Variants in ZBTB20 observed in about 807,000 individuals in gnomAD.
ZBTB20 encodes the protein zinc finger and BTB domain containing 20.
In ZBTB20, 9 loss-of-function variants were observed where a neutral mutation model predicts 56.9. That is an observed-to-expected ratio of 0.16 (90% CI 0.10 to 0.28). The LOEUF (loss-of-function observed/expected upper bound fraction) is 0.28, where lower values mean the gene tolerates loss of function less well. Among genes scored for constraint, ZBTB20 ranks in the 10% least tolerant of loss-of-function variants. The pLI, the probability that ZBTB20 is intolerant of heterozygous loss-of-function variation, is 1.00. For synonymous variants in ZBTB20, 417 were observed against 420.7 expected (o/e 0.99, Z 0.11); for missense variants, 655 against 1,003.0 (o/e 0.65, Z 4.69).
intron 2 of ZBTB20, among the ~76,000 whole-genome samples, chr3:115,037,282 G>C (rs550542488): frequency 9.9e-5 from 15 of 151,974 alleles, no homozygotes; most frequent in Non-Finnish European, 1.9e-4. Context: ...AAATTTTTGG[G>C]GGGGGCGGAG....
chr3:114,694,278 G>A (rs910625484), intron 5 of ZBTB20, among the ~76,000 whole-genome samples: 1 of 152,000 alleles, frequency 6.6e-6, no homozygotes, highest in African/African-American at 2.4e-5. Flanking sequence ...TTCTACTGTG[G>A]AGCAACAAAG....
chr3:114,991,112 C>A (rs1312593676), intron 2 of ZBTB20, among the ~76,000 whole-genome samples: 2 of 152,118 alleles, frequency 1.3e-5, no homozygotes, highest in East Asian at 3.8e-4. Context: ...TCCTTCAGTT[C>A]TGCTCTGATC....
chr3:114,919,313 G>A (rs1039110466), intron 3 of ZBTB20, among the ~76,000 whole-genome samples: 11 of 151,802 alleles, frequency 7.2e-5, no homozygotes, highest in Admixed American at 1.3e-4. Flanking sequence ...GTGACCACAG[G>A]AAAAAACCTC....
intron 1 of ZBTB20, among the ~76,000 whole-genome samples, chr3:115,128,090 A>G (rs17755402): frequency 0.037 from 5,628 of 152,318 alleles, 162 homozygotes; most frequent in Non-Finnish European, 0.058. Context: ...ACTGGCAATG[A>G]CATATGCATC....
chr3:114,738,973 T>C (rs1001515867), intron 5 of ZBTB20, among the ~76,000 whole-genome samples: 1 of 152,178 alleles, frequency 6.6e-6, no homozygotes, highest in Non-Finnish European at 1.5e-5. Flanking sequence ...ATTCACAGTT[T>C]GATCTCAAGG....
chr3:114,930,041 T>C (rs777878240), intron 3 of ZBTB20, among the ~76,000 whole-genome samples: 21 of 152,162 alleles, frequency 1.4e-4, no homozygotes, highest in Non-Finnish European at 2.4e-4. Flanking sequence ...CTTGCCAAAA[T>C]CCATATGAAT....
chr3:114,921,503 G>A (rs146402293), intron 3 of ZBTB20, among the ~76,000 whole-genome samples: 76 of 152,108 alleles, frequency 5.0e-4, no homozygotes, highest in Non-Finnish European at 8.2e-4. Context: ...GTTCCAAAAT[G>A]TTTACAAGAA....
chr3:114,534,371 A>G (rs552961717), intron 6 of ZBTB20, among the ~76,000 whole-genome samples: 3 of 152,338 alleles, frequency 2.0e-5, no homozygotes, highest in East Asian at 1.9e-4. Flanking sequence ...TTAAACCAAT[A>G]AAGATCAAAA....
At chr3:114,874,400 T>C (rs904958709) in intron 4 of ZBTB20, among the ~76,000 whole-genome samples, 2 of 152,190 alleles carry the variant, frequency 1.3e-5, no homozygotes, top group Non-Finnish European at 2.9e-5. Flanking sequence ...AGCACCATCA[T>C]GATTGTTCTG....
At chr3:114,684,366 A>G (rs2062188317) in intron 6 of ZBTB20, among the ~76,000 whole-genome samples, 1 of 152,168 alleles carries the variant, frequency 6.6e-6, no homozygotes, top group Non-Finnish European at 1.5e-5. Flanking sequence ...AATTCATAGC[A>G]TTAAGATTTG....
chr3:115,147,035 C>G (rs1229627262), intron 1 of ZBTB20, among the ~76,000 whole-genome samples, 184 bp downstream of exon 1: 2 of 149,638 alleles, frequency 1.3e-5, no homozygotes, highest in Non-Finnish European at 3.0e-5. Context: ...CGCGCTCATC[C>G]AGCTCAGGGC....
chr3:114,442,532 C>T (rs2090999467), intron 7 of ZBTB20, among the ~76,000 whole-genome samples: 1 of 152,150 alleles, frequency 6.6e-6, no homozygotes, highest in Non-Finnish European at 1.5e-5. Context: ...GATGCCAACA[C>T]CATTACTCTG....
At position 114,542,451 on chromosome 3, in the gene ZBTB20, G is replaced by A. The variant is rs903998136; in HGVS notation, c.-294-42060C>T. Among the ~76,000 whole-genome samples, 6 of 152,100 alleles carry A rather than the reference G, an allele frequency of 3.9e-5. No individual in the cohort carries two copies. The South Asian group carries it at 1.0e-3, about 26-fold the overall frequency. ...AAAAATGGCAAAGCCTGTTGTGGAC[G>A]GTGCAGAGCCCAGGAAGGTAACCAA... On this transcript the variant is annotated intron_variant, in intron 6 of 11. Transcript: ENST00000675478.
At chr3:114,558,142 ATGGTGG>A (rs894429656) in intron 6 of ZBTB20, among the ~76,000 whole-genome samples, 1 of 152,002 alleles carries the variant, frequency 6.6e-6, no homozygotes, top group African/African-American at 2.4e-5. Flanking sequence ...TGAGGGGTGG[ATGGTGG>A]TAAAGAATCA....
chr3:114,819,501 A>G (rs1439371478), intron 4 of ZBTB20, among the ~76,000 whole-genome samples: 1 of 151,962 alleles, frequency 6.6e-6, no homozygotes, highest in Non-Finnish European at 1.5e-5. Context: ...AAAAGCAGAT[A>G]GTCCAGAAAT....
At chr3:114,954,214 C>A (rs534546567) in intron 3 of ZBTB20, among the ~76,000 whole-genome samples, 9 of 152,142 alleles carry the variant, frequency 5.9e-5, no homozygotes, top group African/African-American at 1.9e-4. Flanking sequence ...TGTTTTTAAA[C>A]CCCATTTATC....
At chr3:114,596,164 C>CAT (rs1356702215) in intron 6 of ZBTB20, among the ~76,000 whole-genome samples, 7 of 152,014 alleles carry the variant, frequency 4.6e-5, no homozygotes, top group Non-Finnish European at 8.8e-5. Context: ...GCCTTAGAGC[C>CAT]ATATATATAT....
chr3:114,534,930 C>A (rs967277353), intron 6 of ZBTB20, among the ~76,000 whole-genome samples: 6 of 152,152 alleles, frequency 3.9e-5, no homozygotes, highest in Admixed American at 6.5e-5. Flanking sequence ...TAAATAAGTT[C>A]TTTGAAACCA....
intron 7 of ZBTB20, among the ~76,000 whole-genome samples, chr3:114,448,951 A>G (rs2091436753): frequency 6.6e-6 from 1 of 152,174 alleles, no homozygotes; most frequent in Non-Finnish European, 1.5e-5. Flanking sequence ...GTGAATGTAT[A>G]TATATACCTG....
Sources: allele counts gnomAD v4.1 joint callset (sites outside exome capture counted in the v4.1 genomes callset), GRCh38; gene constraint gnomAD v4.1.1; transcripts MANE v1.5; gene names NCBI Gene and HGNC (gene_info 2026-07-23, HGNC 2026-07-21).